Variants in DTNB observed in about 807,000 individuals in gnomAD.
DTNB encodes the protein dystrobrevin beta, also known as DTN-B.
In DTNB, 63 loss-of-function variants were observed where a neutral mutation model predicts 90.7. The ratio of observed to expected loss-of-function variants is 0.69; its 90% CI spans 0.57 to 0.86. The LOEUF is 0.86. Among genes scored for constraint, DTNB ranks in the 40% least tolerant of loss-of-function variants. DTNB has a pLI of 0.00. For missense variants in DTNB, 744 were observed against 807.1 expected (o/e 0.92, Z 0.95); for synonymous variants, 277 against 286.7 (o/e 0.97, Z 0.34).
chr2:25,427,612 C>T lies in DTNB; in HGVS notation c.1477G>A (p.Glu493Lys), dbSNP rs755000320. 1 of 1,613,438 alleles carries T rather than the reference C, an allele frequency of 6.2e-7. No homozygotes were observed. Among genetic ancestry groups the T allele is most frequent in the Non-Finnish European group, 8.5e-7 (1 of 1,179,816 alleles). The change falls in exon 15 of 21, where the codon GAG (glutamate) becomes AAG (lysine). Residue 493 changes from glutamate to lysine, a missense_variant. By Grantham distance (56) the Glu-to-Lys change is moderately conservative (BLOSUM62 1). Coordinates refer to ENST00000406818, the MANE Select transcript of DTNB (RefSeq NM_021907.5). ...TCCTGCAGGGCCGACATCCTCTGCT[C>T]CAGTTCATCCTTCCTTTGCCTATCC... ...RLLRQRKDEL[E>K]QRMSALQESR...
intron 19 of DTNB, among the ~76,000 whole-genome samples, chr2:25,383,343 A>G (rs1011634978): frequency 3.3e-5 from 5 of 151,408 alleles, no homozygotes; most frequent in African/African-American, 1.2e-4. Context: ...ATTCTCCCCA[A>G]GTAGCTGGGA....
rs1326349179 is a variant in DTNB, at chr2:25,423,845, A to G, written c.1554+3690T>C. On this transcript the variant is annotated intron_variant, in intron 15 of 20. Transcript: ENST00000406818. ...CAGGTAACTTTTGTATTTTTGGTAG[A>G]GATGGGGCTTCACCACTTTGGCCAG... 3.3e-5 allele frequency among the ~76,000 whole-genome samples: 5 copies of G among 152,036 alleles called. No individual in the cohort carries two copies. In the East Asian group the frequency reaches 9.6e-4, roughly 29 times the overall value.
chr2:25,526,392 T>TAC (rs2077159564), intron 9 of DTNB, among the ~76,000 whole-genome samples: 1 of 63,952 alleles, frequency 1.6e-5, no homozygotes, highest in African/African-American at 8.4e-5. Flanking sequence ...TATATATATA[T>TAC]ATATTTTTTT....
intron 4 of DTNB, among the ~76,000 whole-genome samples, chr2:25,620,934 G>A (rs2072417535): frequency 1.3e-5 from 2 of 152,200 alleles, no homozygotes; most frequent in Non-Finnish European, 2.9e-5. Flanking sequence ...GGCTGAAGCA[G>A]GAGAACTGCT....
intron 9 of DTNB, among the ~76,000 whole-genome samples, chr2:25,526,395 A>T (rs199927307): frequency 0.24 from 12,186 of 49,910 alleles, 1,675 homozygotes; most frequent in African/African-American, 0.37. Context: ...ATATATATAT[A>T]TTTTTTTTTT....
chr2:25,666,015 C>T (rs933386551), intron 1 of DTNB, among the ~76,000 whole-genome samples: 4 of 152,118 alleles, frequency 2.6e-5, no homozygotes, highest in Non-Finnish European at 4.4e-5. Context: ...ATGTTAGCTA[C>T]TATTATTGAT....
Position 25,662,685 on chromosome 2 carries a change from C to A in DTNB, c.-1-10024G>T, listed in dbSNP as rs6750159. Reference sequence around the variant, plus strand: ...ACACACACACACACACACACAAACACACACACACACACACACACACACAGC... The same window carrying A: ...ACACACACACACACACACACAAACAAACACACACACACACACACACACAGC... On this transcript the variant is annotated intron_variant, in intron 1 of 20. Coordinates refer to ENST00000406818, the MANE Select transcript of DTNB (RefSeq NM_021907.5). Among the ~76,000 whole-genome samples the A allele has an allele frequency of 7.0e-3, 898 of 128,940 alleles. 7 individuals carry two copies. Among genetic ancestry groups the A allele is most frequent in the African/African-American group, 0.029 (835 of 28,616 alleles). 84.6% of individuals were successfully genotyped at this position (128,940 alleles called of 152,430 possible).
chr2:25,403,305 G>A (rs2044242028), intron 16 of DTNB, among the ~76,000 whole-genome samples: 1 of 152,136 alleles, frequency 6.6e-6, no homozygotes, highest in Non-Finnish European at 1.5e-5. Context: ...TAGTAGAGAT[G>A]GGGTTCCGCC....
In DTNB at chr2:25,424,739, C is replaced by G. The variant is rs2050947753; in HGVS notation, c.1554+2796G>C. On this transcript the variant is annotated intron_variant, in intron 15 of 20. Coordinates refer to ENST00000406818, the MANE Select transcript of DTNB (RefSeq NM_021907.5). The surrounding 1 kb of genome is among the most constrained non-coding windows in gnomAD (Gnocchi z 4.1). ...CTGGAGTGCAGTGGTGTAATCTCTG[C>G]TCACTGCAGCCTCCACCTCCTGGGC... Among the ~76,000 whole-genome samples the G allele has an allele frequency of 6.6e-6, 1 of 151,550 alleles. No homozygotes were observed. The highest frequency in any genetic ancestry group is 6.6e-5 in the Admixed American group (1 of 15,204).
In DTNB at chr2:25,624,485, G is replaced by A. The variant is rs573698683; in HGVS notation, c.362+3686C>T. Among the ~76,000 whole-genome samples the A allele has an allele frequency of 4.6e-5, 7 of 152,274 alleles. No homozygotes were observed. The South Asian group carries it at 1.2e-3, about 27-fold the overall frequency. ...TAAGGATGGAGCTGATACAAGAAGG[G>A]GGCAAAGCCGCGCAAAGAAATAAAG... On this transcript the variant is annotated intron_variant, in intron 4 of 20. Transcript: ENST00000406818.
intron 4 of DTNB, 110 bp downstream of exon 4, chr2:25,628,061 C>G: frequency 8.5e-7 from 1 of 1,174,764 alleles, no homozygotes; most frequent in South Asian, 1.4e-5. Flanking sequence ...AATCATGATT[C>G]TAAGTTGCCA....
chr2:25,452,972 A>G (rs1379668614), intron 11 of DTNB, among the ~76,000 whole-genome samples: 1 of 152,176 alleles, frequency 6.6e-6, no homozygotes, highest in Non-Finnish European at 1.5e-5. Context: ...CAAGGCCCCA[A>G]GGTGAGAGAT....
chr2:25,620,729 G>A (rs1195175531), intron 4 of DTNB, among the ~76,000 whole-genome samples: 1 of 152,172 alleles, frequency 6.6e-6, no homozygotes, highest in African/African-American at 2.4e-5. Context: ...GACTCTGGAA[G>A]GCCGAGGCTG....
At chr2:25,433,641 G>A (rs956179771) in intron 13 of DTNB, among the ~76,000 whole-genome samples, 3 of 152,100 alleles carry the variant, frequency 2.0e-5, no homozygotes, top group African/African-American at 7.2e-5. Flanking sequence ...AATTGTGAGA[G>A]GGGGTCACAC....
chr2:25,387,058 C>A lies in DTNB; in HGVS notation c.1825+231G>T, dbSNP rs988204866. 2 of 494,848 alleles carry A rather than the reference C, an allele frequency of 4.0e-6. No individual in the cohort carries two copies. Among genetic ancestry groups the A allele is most frequent in the Non-Finnish European group, 7.4e-6 (2 of 271,614 alleles). 30.7% of individuals were successfully genotyped at this position (494,848 alleles called of 1,614,324 possible). A position where few individuals can be genotyped will look rare whatever the true frequency, so the allele number is the denominator to read the frequency against. On this transcript the variant is annotated intron_variant, in intron 18 of 20. Transcript: ENST00000406818. This position sits in a 1 kb window ranked among gnomAD's most constrained non-coding sequence, Gnocchi z 4.5. Reference sequence around the variant, plus strand: ...ATTTCTCTACATTCAGCTTGCTCCACAAGATGCACTCCTGAGATAGGCCTG... The same window carrying A: ...ATTTCTCTACATTCAGCTTGCTCCAAAAGATGCACTCCTGAGATAGGCCTG...
chr2:25,425,902 G>T (rs911459506), intron 15 of DTNB, among the ~76,000 whole-genome samples: 2 of 152,204 alleles, frequency 1.3e-5, no homozygotes, highest in Non-Finnish European at 2.9e-5. Flanking sequence ...TACAGGGGTT[G>T]TAATATAACT....
intron 1 of DTNB, among the ~76,000 whole-genome samples, chr2:25,664,335 TCTG>T (rs1360226400): frequency 6.6e-6 from 1 of 152,254 alleles, no homozygotes; most frequent in East Asian, 1.9e-4. Context: ...GAAACTTCAA[TCTG>T]CATTTTCTTT....
chr2:25,422,548 G>A (rs2050120640), intron 15 of DTNB, among the ~76,000 whole-genome samples: 1 of 151,846 alleles, frequency 6.6e-6, no homozygotes, highest in Non-Finnish European at 1.5e-5. Flanking sequence ...TGGGATTATA[G>A]GCATGCACCA....
chr2:25,632,192 CAAA>C (rs71399307), intron 3 of DTNB, among the ~76,000 whole-genome samples: 4 of 76,882 alleles, frequency 5.2e-5, no homozygotes, highest in African/African-American at 5.8e-5. Flanking sequence ...GACTCTGTCT[CAAA>C]AAAAAAAAAA....
Sources: allele counts gnomAD v4.1 joint callset (sites outside exome capture counted in the v4.1 genomes callset), GRCh38; gene constraint gnomAD v4.1.1; non-coding constraint Gnocchi (gnomAD v3.1); transcripts MANE v1.5; gene names NCBI Gene and HGNC (gene_info 2026-07-23, HGNC 2026-07-21).